Variants in SEMA5A observed in about 807,000 individuals in gnomAD.
SEMA5A encodes the protein semaphorin 5A.
SEMA5A carries 55 observed loss-of-function variants against 135.5 expected under a neutral mutation model. That is an observed-to-expected ratio of 0.41 (90% CI 0.33 to 0.51). SEMA5A has a LOEUF of 0.51. Among genes scored for constraint, SEMA5A ranks in the 20% least tolerant of loss-of-function variants. SEMA5A has a pLI of 0.37. For missense variants in SEMA5A, 1,290 were observed against 1,419.9 expected (o/e 0.91, Z 1.47); for synonymous variants, 580 against 546.5 (o/e 1.06, Z -0.85).
intron 19 of SEMA5A, among the ~76,000 whole-genome samples, chr5:9,053,267 G>A (rs571141994): frequency 3.9e-5 from 6 of 152,250 alleles, no homozygotes; most frequent in South Asian, 4.1e-4. Context: ...CCACACCCAC[G>A]GGCCCAAGGC....
chr5:9,255,035 A>C (rs1748991136), intron 5 of SEMA5A, among the ~76,000 whole-genome samples: 1 of 152,160 alleles, frequency 6.6e-6, no homozygotes, highest in Non-Finnish European at 1.5e-5. Flanking sequence ...GCTCTGGACA[A>C]AAGGTTATGA....
intron 3 of SEMA5A, among the ~76,000 whole-genome samples, chr5:9,376,006 T>G (rs194261): frequency 6.6e-6 from 1 of 151,906 alleles, no homozygotes; most frequent in African/African-American, 2.4e-5. Flanking sequence ...TTCCTTCTCA[T>G]TCCTGCTCTA....
At chr5:9,183,237 G>T (rs558567933) in intron 11 of SEMA5A, among the ~76,000 whole-genome samples, 2 of 152,246 alleles carry the variant, frequency 1.3e-5, no homozygotes, top group African/African-American at 2.4e-5. Flanking sequence ...CATCTGCTTG[G>T]CTACATGAGA....
chr5:9,185,359 C>A (rs754348207), intron 11 of SEMA5A, among the ~76,000 whole-genome samples: 3 of 152,162 alleles, frequency 2.0e-5, no homozygotes, highest in Non-Finnish European at 4.4e-5. Flanking sequence ...AGCATATAAA[C>A]CTCTATATGA....
chr5:9,197,196 G>A lies in SEMA5A; in HGVS notation c.1040C>T (p.Pro347Leu), dbSNP rs764453795. The A allele has an allele frequency of 9.9e-6, 16 of 1,614,216 alleles. No homozygotes were observed. Among genetic ancestry groups the A allele is most frequent in the South Asian group, 6.6e-5 (6 of 91,088 alleles). Residue 347 changes from proline (P) to leucine (L), a missense_variant, in exon 10 of 23, where the codon CCG (proline) becomes CTG (leucine). Coordinates refer to ENST00000382496, the MANE Select transcript of SEMA5A (RefSeq NM_003966.3). The part of the protein sequence containing the change: ...YQENSRSAWL[P>L]YPNPNPHFQC... ...GAAGTGGGGGTTTGGGTTGGGATAC[G>A]GTAGCCAGGCCGAGCGCGAGTTTTC...
chr5:9,493,730 G>A (rs1169990684), intron 1 of SEMA5A, among the ~76,000 whole-genome samples: 1 of 152,186 alleles, frequency 6.6e-6, no homozygotes, highest in African/African-American at 2.4e-5. Flanking sequence ...TATAATGTTT[G>A]TAACTCACAG....
intron 11 of SEMA5A, among the ~76,000 whole-genome samples, chr5:9,164,606 A>T (rs1037844762): frequency 6.6e-6 from 1 of 152,148 alleles, no homozygotes; most frequent in South Asian, 2.1e-4. Context: ...GGAATGTCAT[A>T]GGACGTATAA....
chr5:9,540,274 GT>G, intron 1 of SEMA5A, among the ~76,000 whole-genome samples: 1 of 152,272 alleles, frequency 6.6e-6, no homozygotes, highest in South Asian at 2.1e-4. Context: ...AATAAAGGCA[GT>G]GCGTGGAGTT....
chr5:9,439,819 A>G (rs1018059880), intron 1 of SEMA5A, among the ~76,000 whole-genome samples: 1 of 152,230 alleles, frequency 6.6e-6, no homozygotes, highest in Non-Finnish European at 1.5e-5. Context: ...CCTTGTGGAA[A>G]AGCAATACCC....
At chr5:9,317,262 T>A (rs1384509811) in intron 5 of SEMA5A, among the ~76,000 whole-genome samples, 1 of 152,162 alleles carries the variant, frequency 6.6e-6, no homozygotes, top group East Asian at 1.9e-4. Flanking sequence ...ATCATCACTT[T>A]AAAAAATCAA....
chr5:9,246,033 T>C (rs892689405), intron 5 of SEMA5A, among the ~76,000 whole-genome samples: 3 of 152,114 alleles, frequency 2.0e-5, no homozygotes, highest in African/African-American at 7.2e-5. Flanking sequence ...TAATATCTGG[T>C]ATAAAATTTA....
intron 3 of SEMA5A, 53 bp downstream of exon 3, chr5:9,379,770 C>G: frequency 6.3e-7 from 1 of 1,590,764 alleles, no homozygotes; most frequent in Non-Finnish European, 8.6e-7. Flanking sequence ...TCACTAAACA[C>G]AGAATGTGCA....
chr5:9,483,249 C>T (rs1426028329), intron 1 of SEMA5A, among the ~76,000 whole-genome samples: 1 of 152,032 alleles, frequency 6.6e-6, no homozygotes, highest in Non-Finnish European at 1.5e-5. Context: ...TTTATCTTTC[C>T]AAGTATCTCT....
intron 8 of SEMA5A, among the ~76,000 whole-genome samples, chr5:9,209,321 G>A (rs1394149668): frequency 6.6e-6 from 1 of 152,120 alleles, no homozygotes; most frequent in African/African-American, 2.4e-5. Flanking sequence ...ACTCCTATTA[G>A]TTATATATCA....
intron 19 of SEMA5A, among the ~76,000 whole-genome samples, chr5:9,053,520 A>G (rs1736711133): frequency 6.6e-6 from 1 of 152,170 alleles, no homozygotes; most frequent in Admixed American, 6.5e-5. Context: ...AAGAGTGCTT[A>G]GTGTCCCCTT....
At chr5:9,385,656 C>T (rs1755853044) in intron 2 of SEMA5A, among the ~76,000 whole-genome samples, 1 of 152,082 alleles carries the variant, frequency 6.6e-6, no homozygotes, top group South Asian at 2.1e-4. Flanking sequence ...CCCATGCATG[C>T]CACAGCAGGA....
At chr5:9,075,011 T>C (rs965612665) in intron 16 of SEMA5A, among the ~76,000 whole-genome samples, 7 of 152,206 alleles carry the variant, frequency 4.6e-5, no homozygotes, top group African/African-American at 1.4e-4. Flanking sequence ...AGGTTGATGA[T>C]TTAGAGATTT....
chr5:9,226,655 T>C (rs1013438359), intron 7 of SEMA5A, among the ~76,000 whole-genome samples: 1 of 152,220 alleles, frequency 6.6e-6, no homozygotes, highest in African/African-American at 2.4e-5. Flanking sequence ...AGTTTAATTA[T>C]ACAAGTTATA....
rs1754223899 is a variant in SEMA5A at position 9,353,105 on chromosome 5, A to AGGAAAGGAAAG, written c.125-15304_125-15294dup. ...AAAGGAAAGGAAAGGAAGGAAGGAA[A>AGGAAAGGAAAG]GGAAAGGAAAGGAAAGGAAAGGAAA... On this transcript the variant is annotated intron_variant, in intron 3 of 22. Transcript: ENST00000382496. Among the ~76,000 whole-genome samples, 14 of 34,184 alleles carry AGGAAAGGAAAG rather than the reference A, an allele frequency of 4.1e-4. 1 individual carries two copies. Among genetic ancestry groups the AGGAAAGGAAAG allele is most frequent in the African/African-American group, 1.3e-3 (10 of 7,538 alleles). The allele number at this position is 34,184 out of a possible 152,430, so 22.4% of individuals were successfully genotyped here.
Sources: gnomAD v4.1 joint callset for allele counts (sites outside exome capture counted in the v4.1 genomes callset) on GRCh38, gnomAD v4.1.1 for gene constraint, MANE v1.5 for transcripts, NCBI Gene and HGNC (gene_info 2026-07-23, HGNC 2026-07-21) for gene names.